Variants in SPATA1 observed in about 807,000 individuals in gnomAD.
The protein encoded by SPATA1 is spermatogenesis associated 1, also known as spermatogenesis-associated protein 1.
Under a neutral mutation model 59.6 loss-of-function variants are expected in SPATA1, and 57 were observed. The observed-to-expected ratio is 0.96, with a 90% CI of 0.77 to 1.19. The LOEUF is 1.19. Ranked by LOEUF, SPATA1 falls within the 50% of genes most tolerant of loss-of-function variation. SPATA1 has a pLI of 0.00. For synonymous variants in SPATA1, 147 were observed against 163.9 expected (o/e 0.90, Z 0.79); for missense variants, 448 against 480.7 (o/e 0.93, Z 0.64).
rs150082146 is a variant in SPATA1, at chr1:84,561,121, G to T, written n.443-4740G>T. ...TTCATGGATCTGGCCAAAGTAAACTGAAAGCTTTTTGGAAAGGATTCACCA... is the reference window on the plus strand; with the variant it reads ...TTCATGGATCTGGCCAAAGTAAACTTAAAGCTTTTTGGAAAGGATTCACCA... On this transcript the variant is annotated intron_variant and non_coding_transcript_variant, in intron 4 of 4. Coordinates refer to the SPATA1 transcript ENST00000460286. 2.0e-4 allele frequency among the ~76,000 whole-genome samples: 30 copies of T among 152,302 alleles called. 1 individual carries two copies. Among genetic ancestry groups the T allele is most frequent in the African/African-American group, 6.7e-4 (28 of 41,560 alleles).
chr1:84,527,600 T>C (rs1217933320), intron 6 of SPATA1: 1 of 152,016 alleles, frequency 6.6e-6, no homozygotes, highest in Non-Finnish European at 1.5e-5. Flanking sequence ...TCTTAAAGCC[T>C]CTTATATTAA....
chr1:84,547,742 G>A (rs1034636515), intron 10 of SPATA1, among the ~76,000 whole-genome samples: 3 of 152,138 alleles, frequency 2.0e-5, no homozygotes, highest in Non-Finnish European at 2.9e-5. Flanking sequence ...GAAACACTAC[G>A]TAAGAAGGAA....
intron 3 of SPATA1, among the ~76,000 whole-genome samples, chr1:84,521,948 C>G (rs1277857419): frequency 2.6e-5 from 4 of 152,104 alleles, no homozygotes; most frequent in Non-Finnish European, 5.9e-5. Context: ...CCCTAATAAG[C>G]AAAGATGTGG....
intron 2 of SPATA1, among the ~76,000 whole-genome samples, chr1:84,519,252 G>A (rs1017176494): frequency 1.8e-4 from 28 of 151,994 alleles, no homozygotes; most frequent in African/African-American, 6.3e-4. Context: ...TTTTAAAATA[G>A]CTAATGGTTT....
chr1:84,544,565 TA>T (rs1323687506), intron 9 of SPATA1, among the ~76,000 whole-genome samples: 3 of 150,868 alleles, frequency 2.0e-5, no homozygotes, highest in African/African-American at 7.5e-5. Context: ...ATTTTATTTT[TA>T]TTTTATTTTT....
Position 84,545,761 on chromosome 1 carries a change from TA to T in SPATA1, c.946+5del. 6.6e-7 allele frequency: 1 copy of T among 1,505,106 alleles called. No homozygotes were observed. Among genetic ancestry groups the T allele is most frequent in the Non-Finnish European group, 8.8e-7 (1 of 1,136,696 alleles). 93.2% of individuals were successfully genotyped at this position (1,505,106 alleles called of 1,614,324 possible). The stretch of plus-strand genomic sequence containing the variant: ...AAAGCAAATTAAAACGATATCATGG[TA>T]AAGTTTATTACATACCTTTTATCAC... On this transcript the variant is annotated splice_donor_region_variant and intron_variant, in intron 10 of 12. Transcript: ENST00000490879.
At chr1:84,527,805 C>T (rs903115077) in intron 6 of SPATA1, among the ~76,000 whole-genome samples, 4 of 152,134 alleles carry the variant, frequency 2.6e-5, no homozygotes, top group Non-Finnish European at 5.9e-5. Context: ...TCTCGGCTCA[C>T]TGCAGCCTCT....
chr1:84,551,082 T>G (rs568973675), intron 12 of SPATA1: 1 of 985,330 alleles, frequency 1.0e-6, no homozygotes, highest in African/African-American at 1.7e-5. Context: ...CATGCTCTAT[T>G]TGGTGAGAAT....
At chr1:84,527,416 A>G (rs1480419302) in intron 6 of SPATA1, among the ~76,000 whole-genome samples, 4 of 152,156 alleles carry the variant, frequency 2.6e-5, no homozygotes, top group Admixed American at 1.3e-4. Flanking sequence ...GAAAATAAGT[A>G]TAAAGTATAC....
chr1:84,507,761 C>T (rs955216805), intron 1 of SPATA1, among the ~76,000 whole-genome samples: 2 of 151,602 alleles, frequency 1.3e-5, no homozygotes, highest in African/African-American at 4.9e-5. Context: ...TATGTTAATG[C>T]TGGAAGAGAT....
intron 8 of SPATA1, among the ~76,000 whole-genome samples, chr1:84,540,148 G>A (rs189337638): frequency 3.5e-4 from 54 of 152,122 alleles, no homozygotes; most frequent in African/African-American, 1.2e-3. Context: ...GCCTAGAGCT[G>A]GGTTTTGCTT....
At chr1:84,528,070 C>T (rs1194121562) in intron 6 of SPATA1, among the ~76,000 whole-genome samples, 3 of 152,280 alleles carry the variant, frequency 2.0e-5, no homozygotes, top group Non-Finnish European at 4.4e-5. Flanking sequence ...TGCATTTGTC[C>T]TATTATTATT....
chr1:84,519,443 A>C (rs1682928966), intron 2 of SPATA1, among the ~76,000 whole-genome samples: 3 of 151,994 alleles, frequency 2.0e-5, no homozygotes. Flanking sequence ...AAAGCCATTA[A>C]AATGTCTTTT....
intron 4 of SPATA1, 68 bp downstream of exon 4, chr1:84,522,575 G>A (rs1683072965): frequency 2.7e-6 from 2 of 732,786 alleles, no homozygotes; most frequent in Admixed American, 2.9e-5. Flanking sequence ...TTTCTTAAAT[G>A]CTTATCAACT....
rs116694676 is a variant in SPATA1, at chr1:84,513,189, G to A, written c.-137-3034G>A. On this transcript the variant is annotated intron_variant, in intron 1 of 12. Transcript: ENST00000490879. ...GGCTAGAGTGCAATGGCACAATCTC[G>A]GCTCGGCGCAATCTCGGCTCTCCGC... is the stretch of plus-strand genomic sequence containing the variant. 4.1e-3 allele frequency among the ~76,000 whole-genome samples: 626 copies of A among 152,238 alleles called. 1 individual carries two copies. Among genetic ancestry groups the A allele is most frequent in the Non-Finnish European group, 6.7e-3 (457 of 68,020 alleles).
At chr1:84,547,620 G>T (rs1351581363) in intron 10 of SPATA1, among the ~76,000 whole-genome samples, 1 of 152,178 alleles carries the variant, frequency 6.6e-6, no homozygotes, top group Non-Finnish European at 1.5e-5. Context: ...TCTCTGAGAA[G>T]ATTAAGATTT....
chr1:84,511,519 A>G (rs1558565875), intron 1 of SPATA1, among the ~76,000 whole-genome samples: 1 of 151,728 alleles, frequency 6.6e-6, no homozygotes, highest in African/African-American at 2.4e-5. Context: ...ACTACTATAA[A>G]TGTTTGTGGA....
At chr1:84,526,887 AAGAT>A (rs1395274553) in intron 6 of SPATA1, among the ~76,000 whole-genome samples, 10 of 150,310 alleles carry the variant, frequency 6.7e-5, no homozygotes, top group Non-Finnish European at 7.4e-5. Context: ...AAAAAAAAAA[AAGAT>A]AGGTAATTTA....
chr1:84,550,376 TTAAAAA>T (rs1684233957), intron 11 of SPATA1, 50 bp from the exon 12 acceptor site: 8 of 857,206 alleles, frequency 9.3e-6, no homozygotes, highest in Non-Finnish European at 1.3e-5. Flanking sequence ...CACAAGGCAG[TTAAAAA>T]TAAAAATGTT....
Sources: allele counts gnomAD v4.1 joint callset (sites outside exome capture counted in the v4.1 genomes callset), GRCh38; gene constraint gnomAD v4.1.1; transcripts MANE v1.5; gene names NCBI Gene and HGNC (gene_info 2026-07-23, HGNC 2026-07-21).